The following ATG4B variants were observed in gnomAD, a reference collection of about 807,000 sequenced individuals.
The protein encoded by ATG4B is autophagy related 4B cysteine peptidase.
In ATG4B, 29 loss-of-function variants were observed where a neutral mutation model predicts 56.6. That is an observed-to-expected ratio of 0.51 (90% CI 0.38 to 0.70). The LOEUF (loss-of-function observed/expected upper bound fraction) is 0.70, where lower values mean the gene tolerates loss of function less well. Among genes scored for constraint, ATG4B ranks in the 30% least tolerant of loss-of-function variants. The probability of loss-of-function intolerance (pLI) is 0.00; values close to 1 mark genes in which losing one functional copy is unlikely to be tolerated. For synonymous variants in ATG4B, 224 were observed against 206.1 expected, an observed-to-expected ratio of 1.09 and a Z score of -0.74; for missense variants, 461 against 515.5, an observed-to-expected ratio of 0.89 and a Z score of 1.02.
chr2:241,655,400 T>A, intron 6 of ATG4B, 57 bp downstream of exon 6: 1 of 1,526,234 alleles, frequency 6.6e-7, no homozygotes, highest in Non-Finnish European at 8.9e-7. Context: ...CCCTGGGGGT[T>A]AAATTCTCCT....
intron 11 of ATG4B, 50 bp from the exon 12 acceptor site, chr2:241,671,262 C>A: frequency 6.5e-7 from 1 of 1,533,398 alleles, no homozygotes; most frequent in Non-Finnish European, 8.9e-7. Context: ...CTCTTGGCCG[C>A]AGCAAGCACT....
At chr2:241,667,035 G>A (rs575424563) in intron 8 of ATG4B, among the ~76,000 whole-genome samples, 197 bp downstream of exon 8, 28 of 152,292 alleles carry the variant, frequency 1.8e-4, no homozygotes, top group Non-Finnish European at 2.5e-4. Context: ...TGCTGCTTTC[G>A]TTCTGCAAGT....
At chr2:241,660,321 C>A (rs150741963) in intron 7 of ATG4B, among the ~76,000 whole-genome samples, 1 of 152,220 alleles carries the variant, frequency 6.6e-6, no homozygotes, top group Non-Finnish European at 1.5e-5. Context: ...GTCACAGACA[C>A]GCCCCTTCCC....
intron 7 of ATG4B, among the ~76,000 whole-genome samples, chr2:241,663,066 T>C (rs1195438523): frequency 6.6e-6 from 1 of 151,742 alleles, no homozygotes; most frequent in Non-Finnish European, 1.5e-5. Context: ...TAAAACCCCA[T>C]GTCTACTAAA....
At position 241,653,570 on chromosome 2, in the gene ATG4B, G is replaced by T. The variant is rs867379081; in HGVS notation, c.243G>T (p.Met81Ile). 2 of 1,580,530 alleles carry T rather than the reference G, an allele frequency of 1.3e-6. No homozygotes were observed. Among genetic ancestry groups the T allele is most frequent in the Non-Finnish European group, 1.7e-6 (2 of 1,163,270 alleles). ...GWGCMLRCGQ[M>I]IFAQALVCRH... is the part of the protein sequence containing the mutation. ...GCTGCATGCTGCGGTGTGGACAGAT[G>T]ATCTTTGCCCAAGCCCTGGTGTGCC... The change falls in exon 4 of 13, where the codon ATG (methionine) becomes ATT (isoleucine). Residue 81 changes from methionine (M) to isoleucine (I), a missense_variant. Transcript: ENST00000404914.
At chr2:241,644,244 G>A (rs565759689) in intron 1 of ATG4B, among the ~76,000 whole-genome samples, 1 of 152,284 alleles carries the variant, frequency 6.6e-6, no homozygotes, top group African/African-American at 2.4e-5. Context: ...TCAGGAGGCT[G>A]AGGTGGGAGG....
At chr2:241,662,667 C>G (rs1287868552) in intron 7 of ATG4B, among the ~76,000 whole-genome samples, 2 of 152,224 alleles carry the variant, frequency 1.3e-5, no homozygotes, top group Non-Finnish European at 2.9e-5. Flanking sequence ...GTGCAGGTAA[C>G]AAAGCACCAG....
chr2:241,658,180 T>C (rs539958414), intron 6 of ATG4B, among the ~76,000 whole-genome samples: 2 of 152,288 alleles, frequency 1.3e-5, no homozygotes, highest in South Asian at 4.1e-4. Flanking sequence ...TGTGTGTGGG[T>C]GCGTCTTCGG....
At position 241,668,044 on chromosome 2, in the gene ATG4B, A is replaced by T; in HGVS notation, c.733-99A>T. The T allele has an allele frequency of 8.5e-7, 1 of 1,177,672 alleles. No individual in the cohort carries two copies. The highest frequency in any genetic ancestry group is 1.2e-6 in the Non-Finnish European group (1 of 829,218). 73.0% of individuals were successfully genotyped at this position (1,177,672 alleles called of 1,614,324 possible). A position where few individuals can be genotyped will look rare whatever the true frequency, so the allele number is the denominator to read the frequency against. On this transcript the variant is annotated intron_variant, in intron 8 of 12. Coordinates refer to ENST00000404914, the MANE Select transcript of ATG4B (RefSeq NM_013325.5). The surrounding 1 kb of genome is among the most constrained non-coding windows in gnomAD (Gnocchi z 4.2). ...CCTCCTGTCCCCTCTTGTGTCACCCAGTTGGGCCTCAGCAGGCCCTTGGGC... is the reference window on the plus strand; with the variant it reads ...CCTCCTGTCCCCTCTTGTGTCACCCTGTTGGGCCTCAGCAGGCCCTTGGGC...
intron 1 of ATG4B, among the ~76,000 whole-genome samples, chr2:241,646,927 C>T (rs1348467214): frequency 6.6e-6 from 1 of 152,024 alleles, no homozygotes; most frequent in Non-Finnish European, 1.5e-5. Context: ...GGATTACAGG[C>T]ACCTGCCACC....
At chr2:241,660,815 C>T (rs1296736273) in intron 7 of ATG4B, among the ~76,000 whole-genome samples, 1 of 152,220 alleles carries the variant, frequency 6.6e-6, no homozygotes, top group Non-Finnish European at 1.5e-5. Context: ...CCCATCCTCC[C>T]TCCCGTGTTT....
chr2:241,657,972 C>T (rs1373364619), intron 6 of ATG4B, among the ~76,000 whole-genome samples: 1 of 152,138 alleles, frequency 6.6e-6, no homozygotes, highest in Non-Finnish European at 1.5e-5. Flanking sequence ...GACCCTGTTC[C>T]CCCGACACCT....
At chr2:241,641,903 A>G (rs1203180013) in intron 1 of ATG4B, among the ~76,000 whole-genome samples, 4 of 152,200 alleles carry the variant, frequency 2.6e-5, no homozygotes, top group Non-Finnish European at 4.4e-5. Flanking sequence ...CCCTAAAAGC[A>G]TGCTCCCCAT....
intron 1 of ATG4B, among the ~76,000 whole-genome samples, chr2:241,647,851 C>T (rs1306721026): frequency 3.9e-5 from 6 of 152,026 alleles, no homozygotes; most frequent in South Asian, 4.2e-4. Flanking sequence ...CTGTGGCTCA[C>T]GCCTGTAATC....
At chr2:241,648,795 C>G (rs928172126) in intron 1 of ATG4B, among the ~76,000 whole-genome samples, 1 of 152,136 alleles carries the variant, frequency 6.6e-6, no homozygotes, top group Non-Finnish European at 1.5e-5. Flanking sequence ...GTAGGGCCCT[C>G]TATTGTGGAT....
chr2:241,650,953 G>A lies in ATG4B; in HGVS notation c.11-57G>A, dbSNP rs886852012. On this transcript the variant is annotated intron_variant, in intron 1 of 12. Transcript: ENST00000404914. ...AGAAATGCTGTAAATGGCCTCTTTC[G>A]ATACTAGTTTATGAAATTATAAGTG... 6.3e-6 allele frequency: 9 copies of A among 1,430,160 alleles called. No individual in the cohort carries two copies. The African/African-American group carries it at 8.5e-5, about 14-fold the overall frequency. 88.6% of individuals were successfully genotyped at this position (1,430,160 alleles called of 1,614,324 possible).
chr2:241,666,007 G>A (rs34678188), intron 7 of ATG4B, among the ~76,000 whole-genome samples: 57,874 of 152,116 alleles, frequency 0.38, 11,345 homozygotes, highest in Middle Eastern at 0.51. Flanking sequence ...GTGTTCTGGC[G>A]TTTTTCGTTT....
At chr2:241,662,967 G>A (rs1184850203) in intron 7 of ATG4B, among the ~76,000 whole-genome samples, 1 of 152,112 alleles carries the variant, frequency 6.6e-6, no homozygotes, top group Non-Finnish European at 1.5e-5. Context: ...CGGGCGCGGT[G>A]GCTCACGCCT....
chr2:241,642,366 G>A (rs1324705831), intron 1 of ATG4B, among the ~76,000 whole-genome samples: 2 of 151,908 alleles, frequency 1.3e-5, no homozygotes, highest in East Asian at 3.9e-4. Context: ...TGAACTACTA[G>A]CATTCTCATG....
Sources: gnomAD v4.1 joint callset for allele counts (sites outside exome capture counted in the v4.1 genomes callset) on GRCh38, gnomAD v4.1.1 for gene constraint, Gnocchi (gnomAD v3.1) non-coding constraint, MANE v1.5 for transcripts, NCBI Gene and HGNC (gene_info 2026-07-23, HGNC 2026-07-21) for gene names.